Variants in SIX4 observed in about 807,000 individuals in gnomAD.
SIX4 encodes the protein homeobox protein SIX4.
A neutral mutation model predicts 51.5 loss-of-function variants in SIX4; 23 were observed. The observed-to-expected ratio is 0.45, with a 90% CI of 0.32 to 0.63. The LOEUF (loss-of-function observed/expected upper bound fraction) is 0.63, where lower values mean the gene tolerates loss of function less well. Among genes scored for constraint, SIX4 ranks in the 30% least tolerant of loss-of-function variants. The pLI is 0.04. For synonymous variants in SIX4, 413 were observed against 417.3 expected, an observed-to-expected ratio of 0.99 and a Z score of 0.13; for missense variants, 867 against 984.0, an observed-to-expected ratio of 0.88 and a Z score of 1.59.
intron 2 of SIX4, among the ~76,000 whole-genome samples, chr14:60,715,057 G>A (rs1895899862): frequency 6.6e-6 from 1 of 151,850 alleles, no homozygotes; most frequent in African/African-American, 2.4e-5. Context: ...GTGGGGACTG[G>A]GCTTCTAGAG....
At chr14:60,714,257 A>G (rs1895878236) in intron 2 of SIX4, 54 bp from the exon 3 acceptor site, 2 of 1,456,406 alleles carry the variant, frequency 1.4e-6, no homozygotes, top group Admixed American at 2.4e-5. Flanking sequence ...GGAAAGAAAA[A>G]AAGTTACACA....
In SIX4 at chr14:60,724,045, G is replaced by A; in HGVS notation, c.30C>T (p.Ile10=). The change falls in exon 1 of 3, where the codon ATC becomes ATT. Residue 10 remains isoleucine (I), a synonymous_variant. Coordinates refer to ENST00000216513, the MANE Select transcript of SIX4 (RefSeq NM_017420.5). The part of the protein sequence containing the change: MSSSSPTGQ[I]ASAADIKQEN... ...CTTGCTTGATGTCCGCCGCACTTGC[G>A]ATCTGCCCGGTGGGGGAGGAAGAGG... 2 of 1,533,812 alleles carry A rather than the reference G, an allele frequency of 1.3e-6. No individual in the cohort carries two copies. The highest frequency in any genetic ancestry group is 2.1e-5 in the Admixed American group (1 of 48,730).
At chr14:60,723,139 C>T (rs1459100377) in intron 1 of SIX4, 73 bp downstream of exon 1, 1 of 1,447,564 alleles carries the variant, frequency 6.9e-7, no homozygotes, top group Non-Finnish European at 9.0e-7. Context: ...TGTTTGCGAG[C>T]ACTTGGAGGA....
Position 60,722,996 on chromosome 14 carries a change from G to C in SIX4, c.863+216C>G, listed in dbSNP as rs1357076835. 2.1e-6 allele frequency: 2 copies of C among 974,708 alleles called. No individual in the cohort carries two copies. The highest frequency in any genetic ancestry group is 1.7e-5 in the African/African-American group (1 of 59,432). 60.4% of individuals were successfully genotyped at this position (974,708 alleles called of 1,614,324 possible). On this transcript the variant is annotated intron_variant, in intron 1 of 2. Coordinates refer to ENST00000216513, the MANE Select transcript of SIX4 (RefSeq NM_017420.5). This position sits in a 1 kb window ranked among gnomAD's most constrained non-coding sequence, Gnocchi z 5.9. ...GGGCGACCAGAAACTTCTGGGGGGA[G>C]AGGGGGAGGGTAAGGAGGGAGGTTC...
Position 60,713,492 on chromosome 14 carries a change from G to C in SIX4, c.2261C>G (p.Thr754Ser). Residue 754 changes from threonine to serine, a missense_variant, in exon 3 of 3, where the codon ACT becomes AGT. By Grantham distance (58) the Thr-to-Ser change is moderately conservative. Coordinates refer to ENST00000216513, the MANE Select transcript of SIX4 (RefSeq NM_017420.5). ...SKYVLDGMVD[T>S]VCEDLETDKK... ...GTCTGTTTCCAGGTCTTCACAGACA[G>C]TATCAACCATGCCATCTAAGACATA... The C allele has an allele frequency of 6.2e-7, 1 of 1,614,218 alleles. No individual in the cohort carries two copies. Among genetic ancestry groups the C allele is most frequent in the Non-Finnish European group, 8.5e-7 (1 of 1,180,034 alleles).
At position 60,710,709 on chromosome 14, in the gene SIX4, G is replaced by A. The variant is rs1028608298; in HGVS notation, c.*2698C>T. 6.6e-6 allele frequency: 1 copy of A among 152,500 alleles called. No homozygotes were observed. The highest frequency in any genetic ancestry group is 1.5e-5 in the Non-Finnish European group (1 of 68,040). The allele number at this position is 152,500 out of a possible 1,614,324, so 9.4% of individuals were successfully genotyped here. A position where few individuals can be genotyped will look rare whatever the true frequency, so the allele number is the denominator to read the frequency against. ...GCAATTCTGTGCAAGGAGATCATGGGGTTTATCTTACTCCATTCACATATA... is the reference window on the plus strand; with the variant it reads ...GCAATTCTGTGCAAGGAGATCATGGAGTTTATCTTACTCCATTCACATATA... On this transcript the variant is annotated 3_prime_UTR_variant, in exon 3 of 3. Transcript: ENST00000216513.
Position 60,723,774 on chromosome 14 carries a change from C to CGGT in SIX4, c.300_301insACC (p.Ala100_Ala101insThr). 1 of 1,536,504 alleles carries CGGT rather than the reference C, an allele frequency of 6.5e-7. No homozygotes were observed. The highest frequency in any genetic ancestry group is 8.7e-7 in the Non-Finnish European group (1 of 1,146,612). The stretch of plus-strand genomic sequence containing the variant: ...GAGAAGGCCAGCGGGGTCTGCGCGG[C>CGGT]GGCGGCGGCGGCGTGGTGGTGCCTG... On this transcript the variant is annotated inframe_insertion, in exon 1 of 3. Transcript: ENST00000216513.
Position 60,723,615 on chromosome 14 carries a change from G to GC in SIX4, c.459dup (p.Leu154AlafsTer136). ...TAGATGCCCTGGTGGAAGGCCACGA[G>GC]CGCCCGCGCCTTCAGCAGGCTCTCG... On this transcript the variant is annotated frameshift_variant, in exon 1 of 3. Coordinates refer to ENST00000216513, the MANE Select transcript of SIX4 (RefSeq NM_017420.5). LOFTEE classifies it high-confidence loss of function. 1 of 1,608,678 alleles carries GC rather than the reference G, an allele frequency of 6.2e-7. No individual in the cohort carries two copies. Among genetic ancestry groups the GC allele is most frequent in the Non-Finnish European group, 8.5e-7 (1 of 1,178,118 alleles).
At chr14:60,718,082 T>G (rs1349604488) in intron 2 of SIX4, 1 of 160,576 alleles carries the variant, frequency 6.2e-6, no homozygotes, top group East Asian at 1.8e-4. Flanking sequence ...GATGTAGATA[T>G]TCTACTTTTC....
chr14:60,716,484 C>T (rs1179015203), intron 2 of SIX4, among the ~76,000 whole-genome samples: 2 of 152,040 alleles, frequency 1.3e-5, no homozygotes, highest in Non-Finnish European at 2.9e-5. Flanking sequence ...AACTCTTGAC[C>T]TTGTGATCCA....
At chr14:60,718,764 A>AC (rs1895965369) in intron 2 of SIX4, among the ~76,000 whole-genome samples, 2 of 152,232 alleles carry the variant, frequency 1.3e-5, no homozygotes, top group South Asian at 4.1e-4. Flanking sequence ...TTCCTTCAAT[A>AC]AGCTGACATA....
rs1895828878 is a variant in SIX4 at position 60,711,917 on chromosome 14, T to A, written c.*1490A>T. 6.6e-6 allele frequency: 1 copy of A among 152,638 alleles called. No individual in the cohort carries two copies. The highest frequency in any genetic ancestry group is 2.4e-5 in the African/African-American group (1 of 41,462). 9.5% of individuals were successfully genotyped at this position (152,638 alleles called of 1,614,324 possible). A position where few individuals can be genotyped will look rare whatever the true frequency, so the allele number is the denominator to read the frequency against. On this transcript the variant is annotated 3_prime_UTR_variant, in exon 3 of 3. Transcript: ENST00000216513. ...CTAGAGAGCAACTTTACTCACTACA[T>A]AAATTTATTTGCATTGTTACATCTT... is the stretch of plus-strand genomic sequence containing the variant.
chr14:60,713,396 G>C lies in SIX4; in HGVS notation c.*11C>G, dbSNP rs769589238. On this transcript the variant is annotated 3_prime_UTR_variant, in exon 3 of 3. Transcript: ENST00000216513. ...CGCTGATGCCAAAAAGAGGTGAGGA[G>C]GAAATAAAGTTCATAAGTCTTGCAT... 2.6e-6 allele frequency: 4 copies of C among 1,567,532 alleles called. No homozygotes were observed. Among genetic ancestry groups the C allele is most frequent in the Non-Finnish European group, 3.5e-6 (4 of 1,158,452 alleles).
In SIX4 at chr14:60,717,372, G is replaced by A. The variant is rs1002993172; in HGVS notation, c.1549+2388C>T. 2.6e-5 allele frequency among the ~76,000 whole-genome samples: 4 copies of A among 152,218 alleles called. No homozygotes were observed. The highest frequency in any genetic ancestry group is 4.8e-5 in the African/African-American group (2 of 41,558). On this transcript the variant is annotated intron_variant, in intron 2 of 2. Transcript: ENST00000216513. This position sits in a 1 kb window ranked among gnomAD's most constrained non-coding sequence, Gnocchi z 4.6. ...ACAGGCGTAAGCCACTGTGCCCGGC[G>A]TCTTTAAAATTCTTGTAGGCAGCTG...
chr14:60,722,741 G>C lies in SIX4; in HGVS notation c.863+471C>G, dbSNP rs1896046203. On this transcript the variant is annotated intron_variant, in intron 1 of 2. Coordinates refer to ENST00000216513, the MANE Select transcript of SIX4 (RefSeq NM_017420.5). The surrounding 1 kb of genome is among the most constrained non-coding windows in gnomAD (Gnocchi z 5.9). ...CTGAACCCTGGGGATCCGGGAGCGT[G>C]CGCGCGCGCCAGGCCCGGTGTGACC... Among the ~76,000 whole-genome samples, 1 of 152,064 alleles carries C rather than the reference G, an allele frequency of 6.6e-6. No individual in the cohort carries two copies. Among genetic ancestry groups the C allele is most frequent in the Non-Finnish European group, 1.5e-5 (1 of 67,976 alleles).
rs1164876023 is a variant in SIX4 at position 60,724,291 on chromosome 14, G to C, written c.-217C>G. The C allele has an allele frequency of 6.6e-7, 1 of 1,526,024 alleles. No individual in the cohort carries two copies. Among genetic ancestry groups the C allele is most frequent in the Admixed American group, 2.0e-5 (1 of 50,672 alleles). The allele number at this position is 1,526,024 out of a possible 1,614,324, so 94.5% of individuals were successfully genotyped here. On this transcript the variant is annotated 5_prime_UTR_variant, in exon 1 of 3. Coordinates refer to ENST00000216513, the MANE Select transcript of SIX4 (RefSeq NM_017420.5). ...GCTGTTAGAGCAAAGTAGTGTAAAC[G>C]GATAGCTGCTTTCTGCCGTTCCCCC...
Position 60,720,521 on chromosome 14 carries a change from A to C in SIX4, c.864-76T>G. On this transcript the variant is annotated intron_variant, in intron 1 of 2. Transcript: ENST00000216513. This position sits in a 1 kb window ranked among gnomAD's most constrained non-coding sequence, Gnocchi z 5.5. ...CTACACAGTGCCACTTGTTTGGAAA[A>C]CCAGCTTCTAAATCCATTAAAGGCA... 1 of 1,390,550 alleles carries C rather than the reference A, an allele frequency of 7.2e-7. No homozygotes were observed. The highest frequency in any genetic ancestry group is 9.8e-7 in the Non-Finnish European group (1 of 1,020,574). The allele number at this position is 1,390,550 out of a possible 1,614,324, so 86.1% of individuals were successfully genotyped here. A position where few individuals can be genotyped will look rare whatever the true frequency, so the allele number is the denominator to read the frequency against.
In SIX4 at chr14:60,720,141, C is replaced by T. The variant is rs1409600652; in HGVS notation, c.1168G>A (p.Ala390Thr). 1 of 1,614,218 alleles carries T rather than the reference C, an allele frequency of 6.2e-7. No individual in the cohort carries two copies. Among genetic ancestry groups the T allele is most frequent in the Non-Finnish European group, 8.5e-7 (1 of 1,180,042 alleles). The change falls in exon 2 of 3, where the codon GCA becomes ACA. Residue 390 changes from alanine to threonine, a missense_variant. Transcript: ENST00000216513. The surrounding 1 kb of genome is among the most constrained non-coding windows in gnomAD (Gnocchi z 5.5). Reference protein sequence around the residue: ...GLNVGNTQAVALNPPKMSSNI... With the variant: ...GLNVGNTQAVTLNPPKMSSNI... ...GATGACATTTTTGGTGGGTTCAATG[C>T]CACTGCCTGTGTATTTCCCACATTT... is the stretch of plus-strand genomic sequence containing the variant.
In SIX4 at chr14:60,723,361, G is replaced by T; in HGVS notation, c.714C>A (p.Leu238=). The T allele has an allele frequency of 6.2e-7, 1 of 1,612,216 alleles. No individual in the cohort carries two copies. Reference sequence around the variant, plus strand: ...AGCGATTCTGCTTGTAGAGCTCCTTGAGCGCGTTGCGCGACTTCTCCTTGA... The same window carrying T: ...AGCGATTCTGCTTGTAGAGCTCCTTTAGCGCGTTGCGCGACTTCTCCTTGA... The part of the protein sequence containing the change: ...YCFKEKSRNA[L]KELYKQNRYP... Residue 238 remains leucine, a synonymous_variant, in exon 1 of 3, where the codon CTC becomes CTA. Coordinates refer to ENST00000216513, the MANE Select transcript of SIX4 (RefSeq NM_017420.5).
Sources: gnomAD v4.1 joint callset for allele counts (sites outside exome capture counted in the v4.1 genomes callset) on GRCh38, gnomAD v4.1.1 for gene constraint, Gnocchi (gnomAD v3.1) non-coding constraint, MANE v1.5 for transcripts, NCBI Gene and HGNC (gene_info 2026-07-23, HGNC 2026-07-21) for gene names.